The following WSCD2 variants were observed in gnomAD, a reference collection of about 807,000 sequenced individuals.
The protein encoded by WSCD2 is WSC domain sialate O sulfotransferase 2.
In WSCD2, 28 loss-of-function variants were observed where a neutral mutation model predicts 55.7. The observed-to-expected ratio is 0.50, with a 90% CI of 0.37 to 0.69. The LOEUF is 0.69. Among genes scored for constraint, WSCD2 ranks in the 30% least tolerant of loss-of-function variants. The pLI, the probability that WSCD2 is intolerant of heterozygous loss-of-function variation, is 0.00. For missense variants in WSCD2, 616 were observed against 762.1 expected (o/e 0.81, Z 2.26); for synonymous variants, 301 against 301.9 (o/e 1.00, Z 0.03).
At position 108,199,923 on chromosome 12, in the gene WSCD2, T is replaced by G. The variant is rs1884448860; in HGVS notation, c.382+3709T>G. 2.0e-5 allele frequency among the ~76,000 whole-genome samples: 3 copies of G among 152,218 alleles called. No homozygotes were observed. In the South Asian group the frequency reaches 6.2e-4, roughly 32 times the overall value. On this transcript the variant is annotated intron_variant, in intron 2 of 8. Coordinates refer to ENST00000547525, the MANE Select transcript of WSCD2 (RefSeq NM_014653.4). ...CCAGCTATTATTATTATAATAAGCT[T>G]GCATACTACCTTAATACATGCCAGC... is the stretch of plus-strand genomic sequence containing the variant.
At chr12:108,237,374 G>T (rs1294326095) in intron 7 of WSCD2, among the ~76,000 whole-genome samples, 1 of 152,206 alleles carries the variant, frequency 6.6e-6, no homozygotes, top group Admixed American at 6.5e-5. Context: ...GGTCACATGG[G>T]TGCCCAAGAT....
intron 6 of WSCD2, among the ~76,000 whole-genome samples, chr12:108,229,913 T>C (rs747006634): frequency 2.7e-4 from 41 of 152,028 alleles, no homozygotes; most frequent in Non-Finnish European, 5.1e-4. Context: ...GGAAGAATTA[T>C]GCAGTGAACA....
rs745605380 is a variant in WSCD2, at chr12:108,210,073, G to C, written c.498-48G>C. ...TCTCCATGTTGTGTCTCCCTGCCTC[G>C]GGGTCTCCATGGTGGCAGCTACCCT... is the stretch of plus-strand genomic sequence containing the variant. On this transcript the variant is annotated intron_variant, in intron 3 of 8. Transcript: ENST00000547525. The surrounding 1 kb of genome is among the most constrained non-coding windows in gnomAD (Gnocchi z 4.3). The C allele has an allele frequency of 4.3e-6, 7 of 1,611,712 alleles. No individual in the cohort carries two copies. The African/African-American group carries it at 9.4e-5, about 22-fold the overall frequency.
chr12:108,141,675 C>T (rs1876825067), intron 1 of WSCD2, among the ~76,000 whole-genome samples: 1 of 152,170 alleles, frequency 6.6e-6, no homozygotes, highest in African/African-American at 2.4e-5. Context: ...CTCTCCATCC[C>T]AAAATCCTCC....
intron 1 of WSCD2, among the ~76,000 whole-genome samples, chr12:108,155,635 G>A (rs1019592037): frequency 6.6e-6 from 1 of 152,122 alleles, no homozygotes; most frequent in Non-Finnish European, 1.5e-5. Context: ...TGTGAGTTTT[G>A]TGACCTTGGG....
chr12:108,213,690 C>T (rs1026871998), intron 4 of WSCD2, among the ~76,000 whole-genome samples: 1 of 152,158 alleles, frequency 6.6e-6, no homozygotes, highest in East Asian at 1.9e-4. Flanking sequence ...AAAGAGTGCA[C>T]AAAAGCCTGG....
intron 1 of WSCD2, among the ~76,000 whole-genome samples, chr12:108,161,675 T>C (rs1285019142): frequency 6.6e-6 from 1 of 152,218 alleles, no homozygotes; most frequent in Non-Finnish European, 1.5e-5. Context: ...TGGTACTCTG[T>C]TGGCAGCCCG....
intron 1 of WSCD2, among the ~76,000 whole-genome samples, chr12:108,182,836 A>G (rs908829764): frequency 1.3e-5 from 2 of 151,216 alleles, no homozygotes; most frequent in African/African-American, 2.5e-5. Context: ...TCCTTTTAAT[A>G]TAGTTTTTTT....
chr12:108,138,281 C>G (rs1876429132), intron 1 of WSCD2, among the ~76,000 whole-genome samples: 1 of 152,100 alleles, frequency 6.6e-6, no homozygotes, highest in Non-Finnish European at 1.5e-5. Flanking sequence ...CCATAGATGC[C>G]CCGGCCTCAA....
chr12:108,184,647 C>G (rs998367137), intron 1 of WSCD2, among the ~76,000 whole-genome samples: 4 of 152,138 alleles, frequency 2.6e-5, no homozygotes, highest in African/African-American at 7.2e-5. Context: ...TCTGAGCCCC[C>G]GGGTTCCTCA....
rs1383883483 is a variant in WSCD2 at position 108,206,297 on chromosome 12, A to G, written c.391A>G (p.Ile131Val). 1.9e-6 allele frequency: 3 copies of G among 1,614,098 alleles called. No homozygotes were observed. Among genetic ancestry groups the G allele is most frequent in the African/African-American group, 2.7e-5 (2 of 74,942 alleles). Residue 131 changes from isoleucine (I) to valine (V), a missense_variant, in exon 3 of 9, where the codon ATC (isoleucine) becomes GTC (valine). Around this residue, in one of 3 missense-constraint regions of WSCD2, gnomAD observed 374 missense variants for 467.4 expected, o/e 0.80. Coordinates refer to ENST00000547525, the MANE Select transcript of WSCD2 (RefSeq NM_014653.4). ...REKEEERAKY[I>V]GCYLDDTQSR... ...TTTTCCTTTCCCCAAAGCCAAGTAC[A>G]TCGGCTGCTACCTGGATGACACCCA...
At chr12:108,167,870 G>A (rs1565929732) in intron 1 of WSCD2, among the ~76,000 whole-genome samples, 1 of 152,218 alleles carries the variant, frequency 6.6e-6, no homozygotes, top group Non-Finnish European at 1.5e-5. Context: ...TTTTGGAGGT[G>A]AGTGTTGGGT....
At chr12:108,162,841 TA>T (rs955666205) in intron 1 of WSCD2, among the ~76,000 whole-genome samples, 3 of 152,326 alleles carry the variant, frequency 2.0e-5, no homozygotes, top group Admixed American at 6.5e-5. Context: ...CTGGACTTGG[TA>T]AATGGCTGTT....
At chr12:108,161,010 G>A (rs1183699324) in intron 1 of WSCD2, among the ~76,000 whole-genome samples, 1 of 152,200 alleles carries the variant, frequency 6.6e-6, no homozygotes, top group Non-Finnish European at 1.5e-5. Context: ...GAAAGCAAGT[G>A]TATGGAAGCA....
intron 3 of WSCD2, among the ~76,000 whole-genome samples, chr12:108,209,208 A>G (rs946552649): frequency 6.6e-6 from 1 of 152,184 alleles, no homozygotes; most frequent in African/African-American, 2.4e-5. Context: ...CAGTGCCTGG[A>G]TTTTTATTTT....
At chr12:108,167,040 G>A (rs1386729595) in intron 1 of WSCD2, among the ~76,000 whole-genome samples, 3 of 151,832 alleles carry the variant, frequency 2.0e-5, no homozygotes, top group Non-Finnish European at 4.4e-5. Context: ...TCGAACTCCT[G>A]ACCTCAAATG....
intron 8 of WSCD2, chr12:108,244,713 A>T (rs1425270346): frequency 1.5e-6 from 1 of 670,846 alleles, no homozygotes; most frequent in Non-Finnish European, 2.7e-6. Context: ...CTGCAGAATC[A>T]TCTATAAACA....
chr12:108,151,472 A>G (rs963108844), intron 1 of WSCD2, among the ~76,000 whole-genome samples: 2 of 152,186 alleles, frequency 1.3e-5, no homozygotes, highest in Admixed American at 6.5e-5. Flanking sequence ...TGGGGGTTCT[A>G]TTGGCTAGGA....
At chr12:108,206,912 T>A (rs1334661104) in intron 3 of WSCD2, among the ~76,000 whole-genome samples, 2 of 152,210 alleles carry the variant, frequency 1.3e-5, no homozygotes, top group African/African-American at 4.8e-5. Context: ...TGCATGCAGA[T>A]GAGTAAGCAT....
Sources: allele counts gnomAD v4.1 joint callset (sites outside exome capture counted in the v4.1 genomes callset), GRCh38; gene constraint gnomAD v4.1.1; regional missense constraint gnomAD v4.1.1; non-coding constraint Gnocchi (gnomAD v3.1); transcripts MANE v1.5; gene names NCBI Gene and HGNC (gene_info 2026-07-23, HGNC 2026-07-21).